Variants in PLXNA2 observed in about 807,000 individuals in gnomAD.
PLXNA2 encodes the protein plexin-A2.
Under a neutral mutation model 193.5 loss-of-function variants are expected in PLXNA2, and 91 were observed. That is an observed-to-expected ratio of 0.47 (90% CI 0.40 to 0.56). The LOEUF is 0.56. PLXNA2 is among the 20% of genes least tolerant of loss of function. The pLI is 0.00. For missense variants in PLXNA2, 1,995 were observed against 2,503.2 expected, an observed-to-expected ratio of 0.80 and a Z score of 4.33; for synonymous variants, 997 against 1,027.3, an observed-to-expected ratio of 0.97 and a Z score of 0.56.
chr1:208,142,388 G>A lies in PLXNA2; in HGVS notation c.1447C>T (p.Leu483Phe), dbSNP rs747220146. ...TCAATGGAGAAGGCCATGTCCCGGA[G>A]GATGGGGCTTCCGTCCTTGAGCACA... ...VSVLKDGSPI[L>F]RDMAFSIDQR... Residue 483 changes from leucine to phenylalanine, a missense_variant, in exon 4 of 32, where the codon CTC becomes TTC. Leu to Phe is a conservative substitution (Grantham distance 22). Around this residue, in one of 3 missense-constraint regions of PLXNA2, gnomAD observed 702 missense variants for 812.9 expected, o/e 0.86. Transcript: ENST00000367033. The A allele has an allele frequency of 6.2e-7, 1 of 1,614,034 alleles. No individual in the cohort carries two copies. Among genetic ancestry groups the A allele is most frequent in the African/African-American group, 1.3e-5 (1 of 75,058 alleles).
At chr1:208,168,892 C>T (rs981950654) in intron 3 of PLXNA2, among the ~76,000 whole-genome samples, 2 of 151,872 alleles carry the variant, frequency 1.3e-5, no homozygotes, top group African/African-American at 4.8e-5. Context: ...TCAGCAGGCA[C>T]AAGAAGCAGG....
At chr1:208,067,461 G>A (rs1397879832) in intron 12 of PLXNA2, among the ~76,000 whole-genome samples, 1 of 152,092 alleles carries the variant, frequency 6.6e-6, no homozygotes, top group Non-Finnish European at 1.5e-5. Flanking sequence ...CTATGGTAGT[G>A]TACAGTAACG....
intron 12 of PLXNA2, among the ~76,000 whole-genome samples, chr1:208,065,246 C>T (rs1176666679): frequency 6.6e-6 from 1 of 152,186 alleles, no homozygotes; most frequent in Non-Finnish European, 1.5e-5. Flanking sequence ...TTTCAGATAG[C>T]TCTATGCTGC....
chr1:208,088,550 C>T (rs1220174543), intron 9 of PLXNA2, among the ~76,000 whole-genome samples: 1 of 152,238 alleles, frequency 6.6e-6, no homozygotes, highest in Non-Finnish European at 1.5e-5. Flanking sequence ...TACATCCTCC[C>T]GTGCACACCC....
rs1393856404 is a variant in PLXNA2, at chr1:208,023,235, C to T, written c.*4008G>A. On this transcript the variant is annotated 3_prime_UTR_variant, in exon 32 of 32. Coordinates refer to ENST00000367033, the MANE Select transcript of PLXNA2 (RefSeq NM_025179.4). Reference sequence around the variant, plus strand: ...CAATTCTTTTCTCTCTGTGCCCAGGCCCCAGGAGTCTCATGCAAGACACAG... The same window carrying T: ...CAATTCTTTTCTCTCTGTGCCCAGGTCCCAGGAGTCTCATGCAAGACACAG... 1.3e-5 allele frequency: 2 copies of T among 152,582 alleles called. No homozygotes were observed. Among genetic ancestry groups the T allele is most frequent in the Admixed American group, 6.5e-5 (1 of 15,284 alleles). 9.5% of individuals were successfully genotyped at this position (152,582 alleles called of 1,614,324 possible). A position where few individuals can be genotyped will look rare whatever the true frequency, so the allele number is the denominator to read the frequency against.
intron 29 of PLXNA2, chr1:208,030,091 A>G (rs1365409119): frequency 3.7e-5 from 36 of 985,362 alleles, no homozygotes; most frequent in Non-Finnish European, 4.2e-5. Context: ...CCCAGCCTCA[A>G]GCCCTTCCAC....
Position 208,028,920 on chromosome 1 carries a change from G to A in PLXNA2, c.5348C>T (p.Ser1783Leu), listed in dbSNP as rs1664419851. 6.2e-7 allele frequency: 1 copy of A among 1,614,068 alleles called. No individual in the cohort carries two copies. The highest frequency in any genetic ancestry group is 1.3e-5 in the African/African-American group (1 of 74,924). Residue 1783 changes from serine (S) to leucine (L), a missense_variant, in exon 30 of 32, where the codon TCA becomes TTA. Ser to Leu is a moderately radical substitution (Grantham distance 145). Around this residue, in one of 3 missense-constraint regions of PLXNA2, gnomAD observed 1,291 missense variants for 1,673.6 expected, o/e 0.77. Coordinates refer to ENST00000367033, the MANE Select transcript of PLXNA2 (RefSeq NM_025179.4). The surrounding 1 kb of genome is among the most constrained non-coding windows in gnomAD (Gnocchi z 4.2). ...VVAQTFMDSC[S>L]TSEHRLGKDS... ...CTTGCCCAGCCGGTGCTCTGACGTT[G>A]AACAAGAGTCCATGAAGGTCTGGGC...
At chr1:208,199,209 T>G (rs1311991435) in intron 3 of PLXNA2, among the ~76,000 whole-genome samples, 1 of 152,270 alleles carries the variant, frequency 6.6e-6, no homozygotes, top group Non-Finnish European at 1.5e-5. Flanking sequence ...GTAAGATCCC[T>G]GAGATGTGTG....
chr1:208,185,167 G>C (rs1669956669), intron 3 of PLXNA2, among the ~76,000 whole-genome samples: 1 of 152,176 alleles, frequency 6.6e-6, no homozygotes, highest in Admixed American at 6.5e-5. Flanking sequence ...GCAGGGATTT[G>C]ACTGAACCGT....
At chr1:208,136,350 C>G (rs931520131) in intron 4 of PLXNA2, among the ~76,000 whole-genome samples, 1 of 152,214 alleles carries the variant, frequency 6.6e-6, no homozygotes, top group Non-Finnish European at 1.5e-5. Context: ...GTGCCAACTA[C>G]TAGTACATCT....
At chr1:208,134,608 C>A (rs980112881) in intron 4 of PLXNA2, among the ~76,000 whole-genome samples, 1 of 152,198 alleles carries the variant, frequency 6.6e-6, no homozygotes, top group Non-Finnish European at 1.5e-5. Flanking sequence ...CCCTCAGGCT[C>A]AACTCTCCTC....
chr1:208,098,699 C>T lies in PLXNA2; in HGVS notation c.1731+147G>A, dbSNP rs1051714229. On this transcript the variant is annotated intron_variant, in intron 6 of 31. Transcript: ENST00000367033. ...ACTATGCCCTTTACAATAGGCATTG[C>T]CATACGTTTGCTATAAACATAAAGT... is the stretch of plus-strand genomic sequence containing the variant. The T allele has an allele frequency of 1.1e-5, 9 of 839,266 alleles. No individual in the cohort carries two copies. In the East Asian group the frequency reaches 1.9e-4, roughly 18 times the overall value. The allele number at this position is 839,266 out of a possible 1,614,324, so 52.0% of individuals were successfully genotyped here.
intron 4 of PLXNA2, among the ~76,000 whole-genome samples, chr1:208,137,029 T>C (rs1420942157): frequency 2.0e-5 from 3 of 152,196 alleles, no homozygotes; most frequent in Admixed American, 6.5e-5. Flanking sequence ...CAAAACCATA[T>C]ACTTAGTAAG....
rs566363147 is a variant in PLXNA2 at position 208,106,624 on chromosome 1, T to A, written c.1507-3377A>T. ...CAATACACACTGGATTTGGAAGATT[T>A]AGAGAGGAAAAGAAAAAAGGGAAAA... is the stretch of plus-strand genomic sequence containing the variant. On this transcript the variant is annotated intron_variant, in intron 4 of 31. Transcript: ENST00000367033. 5.9e-5 allele frequency among the ~76,000 whole-genome samples: 9 copies of A among 152,290 alleles called. No individual in the cohort carries two copies. The East Asian group carries it at 1.5e-3, about 26-fold the overall frequency.
Position 208,028,274 on chromosome 1 carries a change from A to C in PLXNA2, c.5439-115T>G. The C allele has an allele frequency of 2.1e-6, 2 of 947,402 alleles. No homozygotes were observed. The highest frequency in any genetic ancestry group is 3.1e-6 in the Non-Finnish European group (2 of 646,260). 58.7% of individuals were successfully genotyped at this position (947,402 alleles called of 1,614,324 possible). On this transcript the variant is annotated intron_variant, in intron 30 of 31. Coordinates refer to ENST00000367033, the MANE Select transcript of PLXNA2 (RefSeq NM_025179.4). This position sits in a 1 kb window ranked among gnomAD's most constrained non-coding sequence, Gnocchi z 4.2. ...TGTACCCAGTTGCTCCTGCCTCCCTATTTCTCTTCTGATGTGGCTTCCTCT... is the reference window on the plus strand; with the variant it reads ...TGTACCCAGTTGCTCCTGCCTCCCTCTTTCTCTTCTGATGTGGCTTCCTCT...
chr1:208,190,155 AT>A (rs892447160), intron 3 of PLXNA2, among the ~76,000 whole-genome samples: 2 of 151,508 alleles, frequency 1.3e-5, no homozygotes, highest in Middle Eastern at 3.4e-3. Flanking sequence ...CAGAAAAGGG[AT>A]TTTTTTTTCA....
intron 3 of PLXNA2, among the ~76,000 whole-genome samples, chr1:208,170,275 T>A (rs1669448880): frequency 6.6e-6 from 1 of 152,260 alleles, no homozygotes; most frequent in Non-Finnish European, 1.5e-5. Flanking sequence ...GTGTCATTTA[T>A]CTTCCTCTTA....
intron 4 of PLXNA2, among the ~76,000 whole-genome samples, chr1:208,131,608 T>C (rs114312864): frequency 0.03 from 4,514 of 152,116 alleles, 117 homozygotes; most frequent in Non-Finnish European, 0.038. Flanking sequence ...CTTTCTTGAG[T>C]CTGAGAACCT....
Position 208,217,831 on chromosome 1 carries a change from G to C in PLXNA2, c.92C>G (p.Pro31Arg). 6.2e-7 allele frequency: 1 copy of C among 1,613,836 alleles called. No individual in the cohort carries two copies. Among genetic ancestry groups the C allele is most frequent in the Non-Finnish European group, 8.5e-7 (1 of 1,179,942 alleles). Residue 31 changes from proline to arginine, a missense_variant, in exon 2 of 32, where the codon CCA becomes CGA. This residue lies in a region of PLXNA2 where 702 missense variants were observed against 812.9 expected (regional missense o/e 0.86). Transcript: ENST00000367033. This position sits in a 1 kb window ranked among gnomAD's most constrained non-coding sequence, Gnocchi z 4.7. Reference sequence around the variant, plus strand: ...GCTGAACTGAGGCATGCCGGCTGCTGGGGGGGCCAGCAGCACCCAGACCAC... The same window carrying C: ...GCTGAACTGAGGCATGCCGGCTGCTCGGGGGGCCAGCAGCACCCAGACCAC... Reference protein sequence around the residue: ...LSVVWVLLAPPAAGMPQFSTF... With the variant: ...LSVVWVLLAPRAAGMPQFSTF...
Sources: allele counts gnomAD v4.1 joint callset (sites outside exome capture counted in the v4.1 genomes callset), GRCh38; gene constraint gnomAD v4.1.1; regional missense constraint gnomAD v4.1.1; non-coding constraint Gnocchi (gnomAD v3.1); transcripts MANE v1.5; gene names NCBI Gene and HGNC (gene_info 2026-07-23, HGNC 2026-07-21).